MCU: variants seen among roughly 807,000 people sequenced by gnomAD.
The protein encoded by MCU is mitochondrial calcium uniporter.
In MCU, 12 loss-of-function variants were observed where a neutral mutation model predicts 45.2. The observed-to-expected ratio is 0.27, with a 90% CI of 0.17 to 0.43. The LOEUF (loss-of-function observed/expected upper bound fraction) is 0.43, where lower values mean the gene tolerates loss of function less well. Ranked by LOEUF, MCU falls within the 20% of genes least tolerant of loss-of-function variation. MCU has a pLI of 1.00. For synonymous variants in MCU, 160 were observed against 165.1 expected, an observed-to-expected ratio of 0.97 and a Z score of 0.24; for missense variants, 324 against 436.7, an observed-to-expected ratio of 0.74 and a Z score of 2.30.
chr10:72,735,502 A>G (rs1028711519), intron 1 of MCU, among the ~76,000 whole-genome samples: 5 of 152,220 alleles, frequency 3.3e-5, no homozygotes, highest in Non-Finnish European at 5.9e-5. Flanking sequence ...TAATAGAAGC[A>G]TGGTGTCCAG....
chr10:72,800,459 T>C (rs1227121683), intron 1 of MCU, among the ~76,000 whole-genome samples: 1 of 152,186 alleles, frequency 6.6e-6, no homozygotes, highest in Non-Finnish European at 1.5e-5. Context: ...TGAAACACTT[T>C]TGGTCCCAAG....
chr10:72,855,219 A>G (rs1410161591), intron 2 of MCU, among the ~76,000 whole-genome samples: 1 of 152,150 alleles, frequency 6.6e-6, no homozygotes, highest in Non-Finnish European at 1.5e-5. Context: ...AGCCTGGGCA[A>G]CAGAGCAAGA....
intron 1 of MCU, among the ~76,000 whole-genome samples, chr10:72,700,057 A>ATTT (rs1564532204): frequency 1.9e-5 from 2 of 104,466 alleles, no homozygotes; most frequent in African/African-American, 5.9e-5. Flanking sequence ...ATTGGGGTCA[A>ATTT]ATTTTTTTTT....
At chr10:72,778,557 GGT>G (rs1462196326) in intron 1 of MCU, among the ~76,000 whole-genome samples, 1 of 152,042 alleles carries the variant, frequency 6.6e-6, no homozygotes, top group Non-Finnish European at 1.5e-5. Context: ...GGGAGGCATG[GGT>G]AGAGGACAAA....
chr10:72,723,204 GA>G (rs1320526524), intron 1 of MCU, among the ~76,000 whole-genome samples: 1 of 151,800 alleles, frequency 6.6e-6, no homozygotes, highest in Admixed American at 6.6e-5. Flanking sequence ...TTAAAAAAAA[GA>G]AAAAAAGAAA....
chr10:72,760,622 T>C (rs1306693662), intron 1 of MCU: 1 of 151,992 alleles, frequency 6.6e-6, no homozygotes, highest in African/African-American at 2.4e-5. Context: ...CTCAAACTCC[T>C]GGGCTCAAGC....
intron 1 of MCU, among the ~76,000 whole-genome samples, chr10:72,754,453 T>C (rs1843545837): frequency 6.6e-6 from 1 of 152,190 alleles, no homozygotes; most frequent in Non-Finnish European, 1.5e-5. Context: ...TTGGTTGAAT[T>C]ACAGATGACA....
chr10:72,834,402 A>G lies in MCU; in HGVS notation c.194A>G (p.Tyr65Cys). The G allele has an allele frequency of 6.2e-7, 1 of 1,613,916 alleles. No individual in the cohort carries two copies. Among genetic ancestry groups the G allele is most frequent in the Non-Finnish European group, 8.5e-7 (1 of 1,179,868 alleles). The change falls in exon 2 of 8, where the codon TAT (tyrosine) becomes TGT (cysteine). Residue 65 changes from tyrosine (Y) to cysteine (C), a missense_variant. Physicochemically the swap from Tyr to Cys is radical, Grantham distance 194 (BLOSUM62 -2). Coordinates refer to ENST00000373053, the MANE Select transcript of MCU (RefSeq NM_138357.3). ...TCCTGGCAGAATTTGGGAGCTGTTT[A>G]TTGCAGCACTGTTGTGCCCTCTGAT... is the stretch of plus-strand genomic sequence containing the variant. ...IASWQNLGAV[Y>C]CSTVVPSDDV...
chr10:72,781,101 G>C (rs1025580267), intron 1 of MCU, among the ~76,000 whole-genome samples: 1 of 152,214 alleles, frequency 6.6e-6, no homozygotes, highest in African/African-American at 2.4e-5. Flanking sequence ...GTAGTGGGCA[G>C]AAAGAGGATG....
At chr10:72,866,605 C>T (rs1424740849) in intron 4 of MCU, among the ~76,000 whole-genome samples, 2 of 152,044 alleles carry the variant, frequency 1.3e-5, no homozygotes, top group South Asian at 2.1e-4. Context: ...TCATGTTGGC[C>T]GAGCTGGTCT....
At chr10:72,762,305 A>G (rs1348029221) in intron 1 of MCU, among the ~76,000 whole-genome samples, 1 of 152,194 alleles carries the variant, frequency 6.6e-6, no homozygotes, top group Non-Finnish European at 1.5e-5. Context: ...ATTGGTACCA[A>G]TCAATCCTAG....
intron 1 of MCU, among the ~76,000 whole-genome samples, chr10:72,738,068 T>C (rs1035348973): frequency 2.6e-5 from 4 of 152,046 alleles, no homozygotes; most frequent in African/African-American, 9.7e-5. Context: ...TTTAAACGAA[T>C]GAGAAAACCT....
At position 72,700,985 on chromosome 10, in the gene MCU, G is replaced by C. The variant is rs143885245; in HGVS notation, c.150+8684G>C. On this transcript the variant is annotated intron_variant, in intron 1 of 7. Transcript: ENST00000373053. ...ACAGTTAGAAATGTACAGTCCTGAA[G>C]TGTACTGCCTTGTAGGTATCAATAT... 3.1e-3 allele frequency among the ~76,000 whole-genome samples: 471 copies of C among 152,232 alleles called. 2 individuals are homozygous for C. Among genetic ancestry groups the C allele is most frequent in the African/African-American group, 0.011 (439 of 41,536 alleles).
chr10:72,710,162 GA>G (rs1394063576), intron 1 of MCU, among the ~76,000 whole-genome samples: 1 of 152,040 alleles, frequency 6.6e-6, no homozygotes, highest in Non-Finnish European at 1.5e-5. Context: ...CTTTTTAGTA[GA>G]GATGGGGTTT....
intron 1 of MCU, among the ~76,000 whole-genome samples, chr10:72,798,360 C>T (rs1300756902): frequency 1.3e-5 from 2 of 152,148 alleles, no homozygotes; most frequent in Non-Finnish European, 2.9e-5. Flanking sequence ...GGCGCAATCT[C>T]AGCTCACTGC....
intron 5 of MCU, among the ~76,000 whole-genome samples, 198 bp from the exon 6 acceptor site, chr10:72,871,179 T>C (rs1400289435): frequency 1.3e-5 from 2 of 152,198 alleles, no homozygotes; most frequent in Non-Finnish European, 1.5e-5. Context: ...GGATTACAGA[T>C]GTGAGCCACT....
At chr10:72,780,043 TGATGAATGGATAA>T (rs1480317323) in intron 1 of MCU, among the ~76,000 whole-genome samples, 7 of 152,232 alleles carry the variant, frequency 4.6e-5, no homozygotes, top group African/African-American at 1.7e-4. Context: ...ATCTGTCATC[TGATGAATGGATAA>T]ACAGAAGGTG....
At chr10:72,769,812 A>G (rs1354494289) in intron 1 of MCU, among the ~76,000 whole-genome samples, 2 of 152,134 alleles carry the variant, frequency 1.3e-5, no homozygotes, top group South Asian at 2.1e-4. Flanking sequence ...CCAGTAAGCT[A>G]CTTTTCGTTT....
chr10:72,808,055 C>T (rs1173119441), intron 1 of MCU, among the ~76,000 whole-genome samples: 1 of 152,168 alleles, frequency 6.6e-6, no homozygotes, highest in African/African-American at 2.4e-5. Flanking sequence ...CTTTACGGAA[C>T]ACTTTTTAGG....
Sources: gnomAD v4.1 joint callset for allele counts (sites outside exome capture counted in the v4.1 genomes callset) on GRCh38, gnomAD v4.1.1 for gene constraint, MANE v1.5 for transcripts, NCBI Gene and HGNC (gene_info 2026-07-23, HGNC 2026-07-21) for gene names.